DCHS2: variants seen among roughly 807,000 people sequenced by gnomAD.
DCHS2 encodes protocadherin-23.
A neutral mutation model predicts 182.4 loss-of-function variants in DCHS2; 142 were observed. The ratio of observed to expected loss-of-function variants is 0.78; its 90% CI spans 0.68 to 0.89. DCHS2 has a LOEUF of 0.89. DCHS2 is among the 40% of genes least tolerant of loss of function. DCHS2 has a pLI of 0.00. For missense variants in DCHS2, 4,319 were observed against 4,198.6 expected (o/e 1.03, Z -0.79); for synonymous variants, 1,740 against 1,663.3 (o/e 1.05, Z -1.12).
intron 1 of DCHS2, among the ~76,000 whole-genome samples, chr4:154,391,546 G>A (rs1731705686): frequency 6.6e-6 from 1 of 152,132 alleles, no homozygotes; most frequent in African/African-American, 2.4e-5. Flanking sequence ...TTCTCTAGGA[G>A]AGGGACCATA....
intron 2 of DCHS2, among the ~76,000 whole-genome samples, chr4:154,368,986 C>A (rs977513917): frequency 2.0e-5 from 3 of 152,124 alleles, no homozygotes; most frequent in African/African-American, 7.2e-5. Flanking sequence ...TGTGTACATT[C>A]TTAATATATA....
chr4:154,302,737 A>G (rs1735250532), intron 12 of DCHS2, among the ~76,000 whole-genome samples: 1 of 138,162 alleles, frequency 7.2e-6, no homozygotes, highest in African/African-American at 2.6e-5. Context: ...GGGACCATGA[A>G]GAGACATGCA....
At chr4:154,419,650 CAAAAAA>C (rs70947164) in intron 1 of DCHS2, among the ~76,000 whole-genome samples, 1 of 44,922 alleles carries the variant, frequency 2.2e-5, no homozygotes, top group Admixed American at 3.3e-4. Flanking sequence ...AACTCCATCT[CAAAAAA>C]AAAAAAAAAA....
intron 3 of DCHS2, among the ~76,000 whole-genome samples, chr4:154,338,206 A>G (rs1417346821): frequency 6.6e-6 from 1 of 152,226 alleles, no homozygotes; most frequent in African/African-American, 2.4e-5. Context: ...AATATTTTAT[A>G]TCAGTCCTTC....
At chr4:154,343,492 T>G in intron 3 of DCHS2, 1 of 1,464,456 alleles carries the variant, frequency 6.8e-7, no homozygotes, top group Non-Finnish European at 9.1e-7. Flanking sequence ...TTAGCTAGAT[T>G]TGCTACATAC....
intron 3 of DCHS2, among the ~76,000 whole-genome samples, chr4:154,354,084 G>T (rs192997944): frequency 1.3e-5 from 2 of 151,966 alleles, no homozygotes; most frequent in African/African-American, 4.8e-5. Context: ...GTGCCACCAC[G>T]CCCGGTTAAC....
intron 1 of DCHS2, among the ~76,000 whole-genome samples, chr4:154,442,537 C>CACA (rs1200014866): frequency 0.031 from 2,437 of 77,388 alleles, 75 homozygotes; most frequent in Non-Finnish European, 0.043. Context: ...ACACCCCCCC[C>CACA]CCCCCACACA....
At chr4:154,445,385 C>T (rs1734237602) in intron 1 of DCHS2, among the ~76,000 whole-genome samples, 1 of 152,230 alleles carries the variant, frequency 6.6e-6, no homozygotes, top group Non-Finnish European at 1.5e-5. Flanking sequence ...TCCCAGGTCA[C>T]TTATGCAAGT....
rs534183087 is a variant in DCHS2 at position 154,418,942 on chromosome 4, T to G, written c.2053-41498A>C. ...ATGCATAGAAAAACAGCATGAATGC[T>G]GAACATGAATGAATGCTTCATATTT... On this transcript the variant is annotated intron_variant, in intron 1 of 19. Coordinates refer to ENST00000357232, the MANE Select transcript of DCHS2 (RefSeq NM_001358235.2). 4.3e-4 allele frequency among the ~76,000 whole-genome samples: 66 copies of G among 152,364 alleles called. 1 individual carries two copies. The highest frequency in any genetic ancestry group is 3.4e-3 in the Admixed American group (52 of 15,306).
intron 1 of DCHS2, among the ~76,000 whole-genome samples, chr4:154,445,541 T>C (rs1344931429): frequency 1.3e-5 from 2 of 152,318 alleles, no homozygotes; most frequent in African/African-American, 4.8e-5. Context: ...CCGGGCATGG[T>C]GGTTCACACT....
intron 9 of DCHS2, among the ~76,000 whole-genome samples, chr4:154,320,104 A>C (rs1735998914): frequency 6.6e-6 from 1 of 152,142 alleles, no homozygotes. Flanking sequence ...ACAAAACTCC[A>C]TTATTCCATT....
chr4:154,405,747 G>A (rs1350497729), intron 1 of DCHS2, among the ~76,000 whole-genome samples: 2 of 152,128 alleles, frequency 1.3e-5, no homozygotes, highest in East Asian at 3.8e-4. Flanking sequence ...TTTTTTAGCA[G>A]CTGTTTAAAA....
intron 3 of DCHS2, among the ~76,000 whole-genome samples, chr4:154,335,393 TA>T (rs1313998839): frequency 6.6e-6 from 1 of 152,180 alleles, no homozygotes; most frequent in Non-Finnish European, 1.5e-5. Flanking sequence ...AAAAGCTGAC[TA>T]AGAGAGAATG....
In DCHS2 at chr4:154,490,156, G is replaced by A. The variant is rs1311093484; in HGVS notation, c.1200C>T (p.Ser400=). The part of the protein sequence containing the change: ...AEPEVATVRV[S]IAVLDVNDNR... ...TGTCATTCACGTCCAGCACGGCGAT[G>A]GACACGCGCACCGTGGCAACCTCAG... The change falls in exon 1 of 20, where the codon TCC becomes TCT. Residue 400 remains serine (S), a synonymous_variant. Coordinates refer to ENST00000357232, the MANE Select transcript of DCHS2 (RefSeq NM_001358235.2). The A allele has an allele frequency of 2.6e-6, 4 of 1,548,918 alleles. No homozygotes were observed. Among genetic ancestry groups the A allele is most frequent in the Non-Finnish European group, 1.7e-6 (2 of 1,146,226 alleles).
chr4:154,326,763 A>G (rs1178551161), intron 7 of DCHS2, among the ~76,000 whole-genome samples: 2 of 152,142 alleles, frequency 1.3e-5, no homozygotes, highest in Non-Finnish European at 2.9e-5. Flanking sequence ...TAATGAGTGA[A>G]TCAATACAAT....
intron 1 of DCHS2, among the ~76,000 whole-genome samples, chr4:154,426,835 C>T (rs184362815): frequency 1.2e-3 from 181 of 151,012 alleles, no homozygotes; most frequent in African/African-American, 4.4e-3. Flanking sequence ...TTGTTTATAA[C>T]ACAAAGAAAG....
Position 154,240,617 on chromosome 4 carries a change from G to A in DCHS2, c.7279C>T (p.His2427Tyr). 6.2e-7 allele frequency: 1 copy of A among 1,613,892 alleles called. No individual in the cohort carries two copies. The highest frequency in any genetic ancestry group is 8.5e-7 in the Non-Finnish European group (1 of 1,179,922). ...ACTACAAGTGCTCCCTCTGTGTAGT[G>A]CACTGAATCAGAAATTTGGATGAGC... is the stretch of plus-strand genomic sequence containing the variant. ...ELLIQISDSV[H>Y]YTEGALVVRV... The change falls in exon 18 of 20, where the codon CAC (histidine) becomes TAC (tyrosine). Residue 2427 changes from histidine (H) to tyrosine (Y), a missense_variant. By Grantham distance (83) the His-to-Tyr change is moderately conservative. Transcript: ENST00000357232.
intron 1 of DCHS2, among the ~76,000 whole-genome samples, chr4:154,455,248 A>C (rs1330118832): frequency 6.6e-6 from 1 of 152,234 alleles, no homozygotes; most frequent in Non-Finnish European, 1.5e-5. Flanking sequence ...ATTTAGGCTC[A>C]GTAACAAACC....
Position 154,235,673 on chromosome 4 carries a change from G to A in DCHS2, c.8979C>T (p.Ser2993=). ...EGTPLAVFAS[S]FSISLVVSFL... ...AGGAGACCACCAGGCTGATTGAAAA[G>A]CTGCTGGCGAACACTGCCAAGGGTG... Residue 2993 remains serine (S), a synonymous_variant, in exon 20 of 20, where the codon AGC becomes AGT. Transcript: ENST00000357232. 1 of 1,613,976 alleles carries A rather than the reference G, an allele frequency of 6.2e-7. No individual in the cohort carries two copies. The highest frequency in any genetic ancestry group is 8.5e-7 in the Non-Finnish European group (1 of 1,179,968).
Sources: gnomAD v4.1 joint callset for allele counts (sites outside exome capture counted in the v4.1 genomes callset) on GRCh38, gnomAD v4.1.1 for gene constraint, MANE v1.5 for transcripts, NCBI Gene and HGNC (gene_info 2026-07-23, HGNC 2026-07-21) for gene names.